The following ANKRD50 variants were observed in gnomAD, a reference collection of about 807,000 sequenced individuals.
The protein encoded by ANKRD50 is ankyrin repeat domain-containing protein 50.
Under a neutral mutation model 112.0 loss-of-function variants are expected in ANKRD50, and 40 were observed. The ratio of observed to expected loss-of-function variants is 0.36; its 90% confidence interval spans 0.28 to 0.46. ANKRD50 has a LOEUF of 0.46. Among genes scored for constraint, ANKRD50 ranks in the 20% least tolerant of loss-of-function variants. The probability of loss-of-function intolerance (pLI) is 1.00; values close to 1 mark genes in which losing one functional copy is unlikely to be tolerated. For missense variants in ANKRD50, 1,487 were observed against 1,701.7 expected (o/e 0.87, Z 2.22); for synonymous variants, 613 against 619.1 (o/e 0.99, Z 0.15).
At chr4:124,694,854 T>C (rs941347501) in intron 2 of ANKRD50, among the ~76,000 whole-genome samples, 5 of 151,776 alleles carry the variant, frequency 3.3e-5, no homozygotes, top group Non-Finnish European at 7.4e-5. Context: ...AGAACAAAGA[T>C]GTAGAAATGG....
intron 2 of ANKRD50, among the ~76,000 whole-genome samples, chr4:124,704,664 C>T (rs1377613479): frequency 6.6e-6 from 1 of 152,192 alleles, no homozygotes; most frequent in African/African-American, 2.4e-5. Context: ...ATTCAAAAGA[C>T]AGTCATTTAA....
At position 124,664,815 on chromosome 4, in the gene ANKRD50, T is replaced by A. The variant is rs543329881; in HGVS notation, c.*2703A>T. On this transcript the variant is annotated 3_prime_UTR_variant, in exon 5 of 5. Transcript: ENST00000504087. ...TGGGGGTGAAAACAAAGAACAAAAA[T>A]TATTGGCTGTACTTTGCAGTACGCA... The A allele has an allele frequency of 2.0e-5, 3 of 152,098 alleles. No homozygotes were observed. The East Asian group carries it at 5.8e-4, about 29-fold the overall frequency. The allele number at this position is 152,098 out of a possible 1,614,324, so 9.4% of individuals were successfully genotyped here.
intron 3 of ANKRD50, 33 bp downstream of exon 3, chr4:124,678,642 GC>G: frequency 6.4e-7 from 1 of 1,570,782 alleles, no homozygotes; most frequent in Admixed American, 1.7e-5. Flanking sequence ...TTAATGAAAA[GC>G]ATTTAAGGAT....
intron 4 of ANKRD50, among the ~76,000 whole-genome samples, chr4:124,667,766 G>A (rs1352290264): frequency 6.6e-6 from 1 of 151,882 alleles, no homozygotes; most frequent in African/African-American, 2.4e-5. Flanking sequence ...TATCATGAGA[G>A]TTGAAAGGGT....
At position 124,670,497 on chromosome 4, in the gene ANKRD50, T is replaced by C. The variant is rs1264654454; in HGVS notation, c.2780A>G (p.Asp927Gly). 1 of 1,613,610 alleles carries C rather than the reference T, an allele frequency of 6.2e-7. No homozygotes were observed. The highest frequency in any genetic ancestry group is 1.3e-5 in the African/African-American group (1 of 74,886). Residue 927 changes from aspartate to glycine, a missense_variant, in exon 4 of 5, where the codon GAC becomes GGC. By Grantham distance (94) the Asp-to-Gly change is moderately conservative. This residue lies in a region of ANKRD50 where 1,046 missense variants were observed against 1,269.5 expected (regional missense o/e 0.82). Transcript: ENST00000504087. ...ATGGCTAAAAAGCAATTCAACAATG[T>C]CCCTGTGCCCTTCTAATGCAGCAAC... ...LRVAALEGHR[D>G]IVELLFSHGA...
intron 2 of ANKRD50, among the ~76,000 whole-genome samples, chr4:124,684,456 T>C (rs969397810): frequency 2.0e-5 from 3 of 152,154 alleles, no homozygotes; most frequent in Non-Finnish European, 4.4e-5. Flanking sequence ...CTACACTCAA[T>C]ACCTTCCTCC....
intron 2 of ANKRD50, among the ~76,000 whole-genome samples, chr4:124,692,409 T>C (rs1435691968): frequency 6.6e-6 from 1 of 152,162 alleles, no homozygotes; most frequent in Non-Finnish European, 1.5e-5. Context: ...TGGGGGGATA[T>C]AATGCATTTG....
chr4:124,674,074 C>G (rs771210529), intron 3 of ANKRD50, among the ~76,000 whole-genome samples: 4 of 151,896 alleles, frequency 2.6e-5, no homozygotes, highest in African/African-American at 4.8e-5. Flanking sequence ...AAATCTTTTT[C>G]TGTGTGTCCA....
At chr4:124,691,561 T>C (rs1449047232) in intron 2 of ANKRD50, among the ~76,000 whole-genome samples, 1 of 142,004 alleles carries the variant, frequency 7.0e-6, no homozygotes, top group Admixed American at 7.0e-5. Flanking sequence ...TCTCTGAAGA[T>C]ACTAAAGTTC....
chr4:124,670,163 A>AACT lies in ANKRD50; in HGVS notation c.3111_3113dup (p.Val1038dup). The AACT allele has an allele frequency of 6.2e-7, 1 of 1,612,364 alleles. No individual in the cohort carries two copies. The highest frequency in any genetic ancestry group is 8.5e-7 in the Non-Finnish European group (1 of 1,179,490). On this transcript the variant is annotated inframe_insertion, in exon 4 of 5. Transcript: ENST00000504087. ...TTGCACCTTGGTTACATGTATGGTCAACTACAGCACCATGCTCAATCAGAA... is the reference window on the plus strand; with the variant it reads ...TTGCACCTTGGTTACATGTATGGTCAACTACTACAGCACCATGCTCAATCAGAA...
Position 124,671,670 on chromosome 4 carries a change from G to A in ANKRD50, c.1607C>T (p.Ala536Val). The change falls in exon 4 of 5, where the codon GCT becomes GTT. Residue 536 changes from alanine to valine, a missense_variant. Ala to Val is a moderately conservative substitution (Grantham distance 64). Around this residue, in one of 2 missense-constraint regions of ANKRD50, gnomAD observed 1,046 missense variants for 1,269.5 expected, o/e 0.82. Transcript: ENST00000504087. ...ATTTGAATCACACTGATTTACTGAAGCTCCATTATCTAATAATGTCCGAAT... is the reference window on the plus strand; with the variant it reads ...ATTTGAATCACACTGATTTACTGAAACTCCATTATCTAATAATGTCCGAAT... Reference protein sequence around the residue: ...DSIRTLLDNGASVNQCDSNGR... With the variant: ...DSIRTLLDNGVSVNQCDSNGR... 1 of 1,613,806 alleles carries A rather than the reference G, an allele frequency of 6.2e-7. No homozygotes were observed. The highest frequency in any genetic ancestry group is 8.5e-7 in the Non-Finnish European group (1 of 1,179,852).
At chr4:124,691,286 A>T in intron 2 of ANKRD50, among the ~76,000 whole-genome samples, 1 of 151,686 alleles carries the variant, frequency 6.6e-6, no homozygotes, top group Non-Finnish European at 1.5e-5. Context: ...AGGTCAGGAG[A>T]TCGAGACCAT....
intron 2 of ANKRD50, among the ~76,000 whole-genome samples, chr4:124,700,526 A>C (rs2110525430): frequency 6.6e-6 from 1 of 152,350 alleles, no homozygotes; most frequent in Admixed American, 6.5e-5. Flanking sequence ...TTTATCTTGG[A>C]GACAGAACCA....
intron 2 of ANKRD50, among the ~76,000 whole-genome samples, chr4:124,709,132 G>A (rs796579400): frequency 2.0e-5 from 3 of 151,320 alleles, no homozygotes; most frequent in South Asian, 2.1e-4. Flanking sequence ...ACTTTTGCCC[G>A]CTAAGAATGT....
Position 124,671,422 on chromosome 4 carries a change from C to A in ANKRD50, c.1855G>T (p.Ala619Ser), listed in dbSNP as rs1303309821. ...QDGWTALRSAAWGGHTEVVSA... is the reference protein window; with the variant it reads ...QDGWTALRSASWGGHTEVVSA... Reference sequence around the variant, plus strand: ...ACTACCTCAGTATGGCCACCCCAAGCAGCAGATCTTAATGCTGTCCAACCA... The same window carrying A: ...ACTACCTCAGTATGGCCACCCCAAGAAGCAGATCTTAATGCTGTCCAACCA... Residue 619 changes from alanine to serine, a missense_variant, in exon 4 of 5, where the codon GCT (alanine) becomes TCT (serine). Around this residue, in one of 2 missense-constraint regions of ANKRD50, gnomAD observed 1,046 missense variants for 1,269.5 expected, o/e 0.82. Transcript: ENST00000504087. The A allele has an allele frequency of 6.2e-7, 1 of 1,613,862 alleles. No homozygotes were observed. Among genetic ancestry groups the A allele is most frequent in the East Asian group, 2.2e-5 (1 of 44,840 alleles).
intron 2 of ANKRD50, among the ~76,000 whole-genome samples, chr4:124,687,694 T>C (rs900405294): frequency 6.6e-6 from 1 of 152,138 alleles, no homozygotes; most frequent in Non-Finnish European, 1.5e-5. Context: ...TGTTTTTAAA[T>C]GGGCAGAAGA....
chr4:124,698,502 AGAGAG>A (rs1366175233), intron 2 of ANKRD50, among the ~76,000 whole-genome samples: 11 of 152,104 alleles, frequency 7.2e-5, no homozygotes, highest in Non-Finnish European at 1.2e-4. Context: ...GAGGTTGAGA[AGAGAG>A]AAGTGTGAAA....
chr4:124,685,858 TTTGA>T (rs1337965513), intron 2 of ANKRD50, among the ~76,000 whole-genome samples: 2 of 152,144 alleles, frequency 1.3e-5, no homozygotes, highest in African/African-American at 4.8e-5. Context: ...TAGCTAGCCT[TTTGA>T]TTGATTTACT....
rs938990692 is a variant in ANKRD50 at position 124,712,491 on chromosome 4, C to G, written c.-797G>C. 6.4e-6 allele frequency: 1 copy of G among 155,728 alleles called. No homozygotes were observed. Among genetic ancestry groups the G allele is most frequent in the African/African-American group, 2.4e-5 (1 of 41,324 alleles). The allele number at this position is 155,728 out of a possible 1,614,324, so 9.6% of individuals were successfully genotyped here. ...CAGCCGCCGCCGTGGCCGCCGCTGCCGCTGTTAGGGACTCTCAGTCTCAGA... is the reference window on the plus strand; with the variant it reads ...CAGCCGCCGCCGTGGCCGCCGCTGCGGCTGTTAGGGACTCTCAGTCTCAGA... On this transcript the variant is annotated 5_prime_UTR_variant, in exon 1 of 5. Coordinates refer to ENST00000504087, the MANE Select transcript of ANKRD50 (RefSeq NM_020337.3).
Sources: allele counts gnomAD v4.1 joint callset (sites outside exome capture counted in the v4.1 genomes callset), GRCh38; gene constraint gnomAD v4.1.1; regional missense constraint gnomAD v4.1.1; transcripts MANE v1.5; gene names NCBI Gene and HGNC (gene_info 2026-07-23, HGNC 2026-07-21).